ASDURF: variants seen among roughly 807,000 people sequenced by gnomAD.
ASDURF encodes the protein ASNSD1 upstream open reading frame, also known as ASDURF protein.
A neutral mutation model predicts 3.3 loss-of-function variants in ASDURF; 3 were observed. The observed-to-expected ratio is 0.92, with a 90% CI of 0.42 to 2.37. The LOEUF is 2.37. Ranked by LOEUF, ASDURF falls within the 30% of genes most tolerant of loss-of-function variation. ASDURF has a pLI of 0.05. For synonymous variants in ASDURF, 11 were observed against 8.3 expected, an observed-to-expected ratio of 1.32 and a Z score of -0.55; for missense variants, 23 against 25.4, an observed-to-expected ratio of 0.90 and a Z score of 0.21.
chr2:189,662,647 C>A (rs2032693928), intron 1 of ASDURF, among the ~76,000 whole-genome samples: 1 of 152,104 alleles, frequency 6.6e-6, no homozygotes, highest in Non-Finnish European at 1.5e-5. Flanking sequence ...GTTACAGATC[C>A]CTGAGGTGTG....
chr2:189,662,948 CAAAAAAAAAA>C (rs67898532), intron 1 of ASDURF, among the ~76,000 whole-genome samples: 3 of 77,004 alleles, frequency 3.9e-5, no homozygotes, highest in Non-Finnish European at 7.6e-5. Context: ...GACCCTGTTT[CAAAAAAAAAA>C]AAAAAAAAAA....
rs1250155105 is a variant in ASDURF at position 189,663,932 on chromosome 2, T to G, written c.122T>G (p.Leu41Arg). 2.6e-6 allele frequency: 1 copy of G among 388,582 alleles called. No homozygotes were observed. Among genetic ancestry groups the G allele is most frequent in the Non-Finnish European group, 4.6e-6 (1 of 218,802 alleles). The allele number at this position is 388,582 out of a possible 1,614,324, so 24.1% of individuals were successfully genotyped here. A position where few individuals can be genotyped will look rare whatever the true frequency, so the allele number is the denominator to read the frequency against. ...GAACAAAAAATTGTGGTGGATGAAC[T>G]TTCTAACCTTAAGAAGAATAGGGTG... ...IKEQKIVVDELSNLKKNRKVY... is the reference protein window; with the variant it reads ...IKEQKIVVDERSNLKKNRKVY... The change falls in exon 2 of 4, where the codon CTT (leucine) becomes CGT (arginine). Residue 41 changes from leucine (L) to arginine (R), a missense_variant. Physicochemically the swap from Leu to Arg is moderately radical, Grantham distance 102. Transcript: ENST00000607829.
rs777595485 is a variant in ASDURF, at chr2:189,666,385, G to C, written c.*274G>C. The C allele has an allele frequency of 1.1e-5, 17 of 1,613,910 alleles. No individual in the cohort carries two copies. The Admixed American group carries it at 1.5e-4, about 14-fold the overall frequency. ...TGGAGAAATTTTTAGTGGAATAAAG[G>C]TTGAAGCTGAAGAGAATGACACTCA... On this transcript the variant is annotated 3_prime_UTR_variant, in exon 4 of 4. Transcript: ENST00000607829.
intron 3 of ASDURF, 147 bp downstream of exon 3, chr2:189,665,598 GTATATATATA>G (rs869147580): frequency 0.086 from 1,235 of 14,434 alleles, 41 homozygotes; most frequent in African/African-American, 0.14. Context: ...ATATATATGT[GTATATATATA>G]TATATATATA....
intron 2 of ASDURF, among the ~76,000 whole-genome samples, chr2:189,664,229 G>T (rs928558655): frequency 1.3e-5 from 2 of 152,114 alleles, no homozygotes; most frequent in Admixed American, 6.5e-5. Context: ...AATCACTAAT[G>T]ATGTTTTATA....
At chr2:189,665,616 A>ACATATATATATGTG (rs1559034453) in intron 3 of ASDURF, among the ~76,000 whole-genome samples, 165 bp downstream of exon 3, 1 of 107,000 alleles carries the variant, frequency 9.3e-6, no homozygotes, top group African/African-American at 3.7e-5. Context: ...ATATATATAT[A>ACATATATATATGTG]TATATATATA....
Position 189,661,552 on chromosome 2 carries a change from G to C in ASDURF, c.32G>C (p.Ser11Thr). 2.5e-6 allele frequency: 1 copy of C among 399,422 alleles called. No individual in the cohort carries two copies. The highest frequency in any genetic ancestry group is 4.4e-6 in the Non-Finnish European group (1 of 226,360). The allele number at this position is 399,422 out of a possible 1,614,324, so 24.7% of individuals were successfully genotyped here. A position where few individuals can be genotyped will look rare whatever the true frequency, so the allele number is the denominator to read the frequency against. ...AGCCGAGGGACGCGACCAGAGGACAGCTCTGTGCTGATCCCCACCGACAAT... is the reference window on the plus strand; with the variant it reads ...AGCCGAGGGACGCGACCAGAGGACACCTCTGTGCTGATCCCCACCGACAAT... MPSRGTRPED[S>T]SVLIPTDNST... Residue 11 changes from serine to threonine, a missense_variant, in exon 1 of 4, where the codon AGC (serine) becomes ACC (threonine). Physicochemically the swap from Ser to Thr is moderately conservative, Grantham distance 58 (BLOSUM62 1). Transcript: ENST00000607829.
intron 2 of ASDURF, among the ~76,000 whole-genome samples, chr2:189,664,999 CTG>C (rs2032753232): frequency 6.6e-6 from 1 of 152,176 alleles, no homozygotes; most frequent in Non-Finnish European, 1.5e-5. Flanking sequence ...AGCAAATAAA[CTG>C]TAATATATTA....
Position 189,666,016 on chromosome 2 carries a change from T to C in ASDURF, c.221-25T>C, listed in dbSNP as rs143275751. On this transcript the variant is annotated intron_variant, in intron 3 of 3. Coordinates refer to ENST00000607829, the MANE Select transcript of ASDURF (RefSeq NM_001353493.2). Reference sequence around the variant, plus strand: ...GTCCAAGAATTTTTATGTTATTTAATATTTATTCTCCTTCCCTGCAACAGA... The same window carrying C: ...GTCCAAGAATTTTTATGTTATTTAACATTTATTCTCCTTCCCTGCAACAGA... 1,564 of 1,164,294 alleles carry C rather than the reference T, an allele frequency of 1.3e-3. 30 individuals are homozygous for C. The East Asian group carries it at 0.03, about 22-fold the overall frequency. The allele number at this position is 1,164,294 out of a possible 1,614,324, so 72.1% of individuals were successfully genotyped here.
At chr2:189,661,760 C>T (rs1340778764) in intron 1 of ASDURF, 150 bp downstream of exon 1, 1 of 397,342 alleles carries the variant, frequency 2.5e-6, no homozygotes, top group African/African-American at 2.1e-5. Flanking sequence ...ACTTGACAGC[C>T]ACAGTTAGTC....
Position 189,666,166 on chromosome 2 carries a change from G to C in ASDURF, c.*55G>C, listed in dbSNP as rs1344684505. 3 of 1,593,372 alleles carry C rather than the reference G, an allele frequency of 1.9e-6. No individual in the cohort carries two copies. The Admixed American group carries it at 5.4e-5, about 29-fold the overall frequency. ...CATTTGTTGTTCTGTAAACTTTTCT[G>C]CTGAGCATTTCAGTCAAGATTTAAA... is the stretch of plus-strand genomic sequence containing the variant. On this transcript the variant is annotated 3_prime_UTR_variant, in exon 4 of 4. Coordinates refer to ENST00000607829, the MANE Select transcript of ASDURF (RefSeq NM_001353493.2).
chr2:189,663,318 A>G (rs951666913), intron 1 of ASDURF, among the ~76,000 whole-genome samples: 1 of 151,838 alleles, frequency 6.6e-6, no homozygotes, highest in Non-Finnish European at 1.5e-5. Context: ...CAGTGGTGCA[A>G]TCTTGGCTCA....
At chr2:189,665,602 A>G (rs1290458766) in intron 3 of ASDURF, among the ~76,000 whole-genome samples, 151 bp downstream of exon 3, 1,902 of 6,870 alleles carry the variant, frequency 0.28, 78 homozygotes, top group South Asian at 0.47. Flanking sequence ...ATATGTGTAT[A>G]TATATATATA....
intron 1 of ASDURF, among the ~76,000 whole-genome samples, chr2:189,661,958 C>T (rs4643578): frequency 0.11 from 16,556 of 152,138 alleles, 1,389 homozygotes; most frequent in African/African-American, 0.23. Context: ...ACCATGCCAG[C>T]AACCCGGGGT....
intron 3 of ASDURF, among the ~76,000 whole-genome samples, 185 bp downstream of exon 3, chr2:189,665,636 A>ATG (rs1559034517): frequency 9.1e-6 from 1 of 110,418 alleles, no homozygotes; most frequent in Non-Finnish European, 1.9e-5. Flanking sequence ...ATATATATAT[A>ATG]TATATATATA....
chr2:189,662,427 C>T (rs374602329), intron 1 of ASDURF, among the ~76,000 whole-genome samples: 2 of 152,196 alleles, frequency 1.3e-5, no homozygotes, highest in Non-Finnish European at 2.9e-5. Flanking sequence ...GAAATGTACA[C>T]CTGTCATTCC....
chr2:189,663,789 G>C, intron 1 of ASDURF, 112 bp from the exon 2 acceptor site: 1 of 344,746 alleles, frequency 2.9e-6, no homozygotes, highest in Non-Finnish European at 5.2e-6. Flanking sequence ...TGGAAAACCA[G>C]TACATCATAG....
intron 1 of ASDURF, among the ~76,000 whole-genome samples, chr2:189,663,273 G>C (rs2032712009): frequency 1.3e-5 from 2 of 150,544 alleles, no homozygotes; most frequent in South Asian, 4.2e-4. Context: ...ATTTTTTTGA[G>C]ACGGAGTTTC....
At chr2:189,665,488 C>G in intron 3 of ASDURF, 37 bp downstream of exon 3, 2 of 393,634 alleles carry the variant, frequency 5.1e-6, no homozygotes, top group Middle Eastern at 1.3e-3. Context: ...TGGGGGGTGC[C>G]TAAATTATAC....
Sources: allele counts gnomAD v4.1 joint callset (sites outside exome capture counted in the v4.1 genomes callset), GRCh38; gene constraint gnomAD v4.1.1; transcripts MANE v1.5; gene names NCBI Gene and HGNC (gene_info 2026-07-23, HGNC 2026-07-21).